Variants in ZNF548 observed in about 807,000 individuals in gnomAD.
ZNF548 encodes the protein zinc finger protein 548.
In ZNF548, 10 loss-of-function variants were observed where a neutral mutation model predicts 10.2. That is an observed-to-expected ratio of 0.98 (90% CI 0.60 to 1.66). The LOEUF (loss-of-function observed/expected upper bound fraction) is 1.66, where lower values mean the gene tolerates loss of function less well. Among genes scored for constraint, ZNF548 ranks in the 40% most tolerant of loss-of-function variants. The pLI is 0.00. For synonymous variants in ZNF548, 217 were observed against 223.5 expected, an observed-to-expected ratio of 0.97 and a Z score of 0.26; for missense variants, 599 against 657.0, an observed-to-expected ratio of 0.91 and a Z score of 0.97.
In ZNF548 at chr19:57,400,041, A is replaced by G; in HGVS notation, c.*152A>G. On this transcript the variant is annotated 3_prime_UTR_variant, in exon 4 of 4. Coordinates refer to ENST00000336128, the MANE Select transcript of ZNF548 (RefSeq NM_001172773.2). The stretch of plus-strand genomic sequence containing the variant: ...ACTTCCCCAGAAATGTCTCAACTAT[A>G]TTTCTATACTCTATGGTACTTATAT... 1 of 626,550 alleles carries G rather than the reference A, an allele frequency of 1.6e-6. No homozygotes were observed. Among genetic ancestry groups the G allele is most frequent in the Non-Finnish European group, 2.7e-6 (1 of 364,778 alleles). 38.8% of individuals were successfully genotyped at this position (626,550 alleles called of 1,614,324 possible).
rs919184976 is a variant in ZNF548 at position 57,399,579 on chromosome 19, G to A, written c.1328G>A (p.Arg443His). The A allele has an allele frequency of 9.9e-6, 16 of 1,613,740 alleles. No homozygotes were observed. The highest frequency in any genetic ancestry group is 1.6e-4 in the Middle Eastern group (1 of 6,084). Residue 443 changes from arginine to histidine, a missense_variant, in exon 4 of 4, where the codon CGT becomes CAT. Coordinates refer to ENST00000336128, the MANE Select transcript of ZNF548 (RefSeq NM_001172773.2). The surrounding 1 kb of genome is among the most constrained non-coding windows in gnomAD (Gnocchi z 4.0). ...TGCAGCGAATGCGGGAAATTCTTTCGTTACAACTCCAACCTCATTAAACAT... is the reference window on the plus strand; with the variant it reads ...TGCAGCGAATGCGGGAAATTCTTTCATTACAACTCCAACCTCATTAAACAT... ...YECSECGKFF[R>H]YNSNLIKHWR...
At chr19:57,397,797 G>C (rs530542054) in intron 3 of ZNF548, among the ~76,000 whole-genome samples, 11 of 152,286 alleles carry the variant, frequency 7.2e-5, no homozygotes, top group Admixed American at 7.2e-4. Flanking sequence ...TTGGGAAAAG[G>C]GTTGATGTCA....
In ZNF548 at chr19:57,399,211, G is replaced by A. The variant is rs756155520; in HGVS notation, c.960G>A (p.Pro320=). 1.6e-5 allele frequency: 26 copies of A among 1,611,820 alleles called. No individual in the cohort carries two copies. The Admixed American group carries it at 2.8e-4, about 18-fold the overall frequency. Residue 320 remains proline (P), a synonymous_variant, in exon 4 of 4, where the codon CCG becomes CCA. Coordinates refer to ENST00000336128, the MANE Select transcript of ZNF548 (RefSeq NM_001172773.2). This position sits in a 1 kb window ranked among gnomAD's most constrained non-coding sequence, Gnocchi z 4.0. ...RHQRVHTGER[P]YECRECGKFF... ...AGAGAGTTCACACCGGAGAAAGGCC[G>A]TATGAGTGCAGGGAATGTGGGAAAT...
Position 57,401,925 on chromosome 19 carries a change from G to C in ZNF548, c.*2036G>C, listed in dbSNP as rs1186430066. 6.6e-6 allele frequency: 1 copy of C among 152,142 alleles called. No homozygotes were observed. The highest frequency in any genetic ancestry group is 2.4e-5 in the African/African-American group (1 of 41,412). The allele number at this position is 152,142 out of a possible 1,614,324, so 9.4% of individuals were successfully genotyped here. A position where few individuals can be genotyped will look rare whatever the true frequency, so the allele number is the denominator to read the frequency against. ...GGCTAATTTTTGTATTTTTAGTAGAGATGGGGTTTTGCCATGTTGGCCAGG... is the reference window on the plus strand; with the variant it reads ...GGCTAATTTTTGTATTTTTAGTAGACATGGGGTTTTGCCATGTTGGCCAGG... On this transcript the variant is annotated 3_prime_UTR_variant, in exon 4 of 4. Coordinates refer to ENST00000336128, the MANE Select transcript of ZNF548 (RefSeq NM_001172773.2).
At chr19:57,394,815 C>T (rs2123040675) in intron 2 of ZNF548, among the ~76,000 whole-genome samples, 1 of 152,088 alleles carries the variant, frequency 6.6e-6, no homozygotes, top group East Asian at 1.9e-4. Context: ...CTAGAGCTGC[C>T]CACATTTTAT....
At position 57,400,874 on chromosome 19, in the gene ZNF548, T is replaced by G. The variant is rs1157157291; in HGVS notation, c.*985T>G. On this transcript the variant is annotated 3_prime_UTR_variant, in exon 4 of 4. Coordinates refer to ENST00000336128, the MANE Select transcript of ZNF548 (RefSeq NM_001172773.2). ...CATTTTCTATTTCTGTTTTTGGGGT[T>G]TTTTGTAGTGCCTTTTGTTTTGGAT... The G allele has an allele frequency of 6.6e-6, 1 of 152,186 alleles. No homozygotes were observed. Among genetic ancestry groups the G allele is most frequent in the Non-Finnish European group, 1.5e-5 (1 of 68,040 alleles). The allele number at this position is 152,186 out of a possible 1,614,324, so 9.4% of individuals were successfully genotyped here. A position where few individuals can be genotyped will look rare whatever the true frequency, so the allele number is the denominator to read the frequency against.
rs1029873799 is a variant in ZNF548, at chr19:57,396,959, G to A, written c.52-89G>A. The A allele has an allele frequency of 3.8e-5, 58 of 1,508,188 alleles. No individual in the cohort carries two copies. In the African/African-American group the frequency reaches 6.2e-4, roughly 16 times the overall value. 93.4% of individuals were successfully genotyped at this position (1,508,188 alleles called of 1,614,324 possible). A position where few individuals can be genotyped will look rare whatever the true frequency, so the allele number is the denominator to read the frequency against. On this transcript the variant is annotated intron_variant, in intron 2 of 3. Coordinates refer to ENST00000336128, the MANE Select transcript of ZNF548 (RefSeq NM_001172773.2). ...TGTTAGTTTGGCCCTGTGTTTAATGGGTGGTAAATATAAGTAGAAAATAGA... is the reference window on the plus strand; with the variant it reads ...TGTTAGTTTGGCCCTGTGTTTAATGAGTGGTAAATATAAGTAGAAAATAGA...
chr19:57,399,514 T>C lies in ZNF548; in HGVS notation c.1263T>C (p.Ile421=). The C allele has an allele frequency of 3.1e-6, 5 of 1,613,792 alleles. No individual in the cohort carries two copies. The highest frequency in any genetic ancestry group is 4.2e-6 in the Non-Finnish European group (5 of 1,179,878). ...GKSFRYHCRL[I]RHQRVHTGER... is the part of the protein sequence containing the mutation. ...CATTTAGGTACCACTGCAGGCTCAT[T>C]AGACACCAGAGAGTCCACACGGGAG... Residue 421 remains isoleucine (I), a synonymous_variant, in exon 4 of 4, where the codon ATT becomes ATC. Transcript: ENST00000336128. This position sits in a 1 kb window ranked among gnomAD's most constrained non-coding sequence, Gnocchi z 4.0.
chr19:57,399,409 T>G lies in ZNF548; in HGVS notation c.1158T>G (p.Phe386Leu), dbSNP rs780997854. Residue 386 changes from phenylalanine to leucine, a missense_variant, in exon 4 of 4, where the codon TTT becomes TTG. Physicochemically the swap from Phe to Leu is conservative, Grantham distance 22 (BLOSUM62 0). Transcript: ENST00000336128. This position sits in a 1 kb window ranked among gnomAD's most constrained non-coding sequence, Gnocchi z 4.0. The stretch of plus-strand genomic sequence containing the variant: ...AGTGCAGTGTATGTGGGGAATTGTT[T>G]AGGTACAACTCCAGCCTTGTTAAAC... ...PYECSVCGEL[F>L]RYNSSLVKHW... 5.6e-6 allele frequency: 9 copies of G among 1,614,188 alleles called. No homozygotes were observed. The highest frequency in any genetic ancestry group is 3.3e-5 in the Admixed American group (2 of 60,018).
Position 57,400,945 on chromosome 19 carries a change from A to G in ZNF548, c.*1056A>G, listed in dbSNP as rs2088711587. 2 of 151,996 alleles carry G rather than the reference A, an allele frequency of 1.3e-5. No individual in the cohort carries two copies. 9.4% of individuals were successfully genotyped at this position (151,996 alleles called of 1,614,324 possible). On this transcript the variant is annotated 3_prime_UTR_variant, in exon 4 of 4. Coordinates refer to ENST00000336128, the MANE Select transcript of ZNF548 (RefSeq NM_001172773.2). The stretch of plus-strand genomic sequence containing the variant: ...TGAGGTGGAATCTATAGTGTCTTTC[A>G]TTTTTATTTTGTGAATGATTGATGA...
intron 1 of ZNF548, among the ~76,000 whole-genome samples, chr19:57,393,595 G>A (rs937356230): frequency 4.0e-5 from 6 of 150,838 alleles, no homozygotes; most frequent in African/African-American, 9.8e-5. Context: ...AGGAGGCGGA[G>A]GTTGCAGTGA....
Position 57,393,072 on chromosome 19 carries a change from G to A in ZNF548, c.16-1116G>A, listed in dbSNP as rs368655681. 69 of 750,726 alleles carry A rather than the reference G, an allele frequency of 9.2e-5. 1 individual carries two copies. Among genetic ancestry groups the A allele is most frequent in the Non-Finnish European group, 1.1e-4 (65 of 615,834 alleles). The allele number at this position is 750,726 out of a possible 1,614,324, so 46.5% of individuals were successfully genotyped here. The stretch of plus-strand genomic sequence containing the variant: ...GAGAAATGTTATTGAGGCTGGTGGA[G>A]TAGCTGGGTTCCAGATCAGAGCACT... On this transcript the variant is annotated intron_variant, in intron 1 of 3. Transcript: ENST00000336128.
rs752823592 is a variant in ZNF548 at position 57,397,068 on chromosome 19, C to T, written c.72C>T (p.Asp24=). 5.6e-6 allele frequency: 9 copies of T among 1,612,708 alleles called. No individual in the cohort carries two copies. Among genetic ancestry groups the T allele is most frequent in the Admixed American group, 3.3e-5 (2 of 59,716 alleles). Residue 24 remains aspartate, a synonymous_variant, in exon 3 of 4, where the codon GAC becomes GAT. Transcript: ENST00000336128. ...GGCAGGGCCGTGTGGTCTTTGAGGA[C>T]GTGGCCATATATTTCTCCCAGGAGG... ...DPTQGRVVFE[D]VAIYFSQEEW...
In ZNF548 at chr19:57,398,459, G is replaced by T. The variant is rs17856896; in HGVS notation, c.208G>T (p.Ala70Ser). 207,122 of 1,613,870 alleles carry T rather than the reference G, an allele frequency of 0.13. 14,156 individuals carry two copies. Among genetic ancestry groups the T allele is most frequent in the South Asian group, 0.17 (15,163 of 91,074 alleles). The change falls in exon 4 of 4, where the codon GCA becomes TCA. Residue 70 changes from alanine to serine, a missense_variant. By Grantham distance (99) the Ala-to-Ser change is moderately conservative. Coordinates refer to ENST00000336128, the MANE Select transcript of ZNF548 (RefSeq NM_001172773.2). ...TTGGCATGGAGCTGAGGATGAGGAG[G>T]CACCTTCACAGCAAGGTTTTTCTGT... The part of the protein sequence containing the change: ...GSWHGAEDEE[A>S]PSQQGFSVGV...
In ZNF548 at chr19:57,399,774, AG is replaced by A. The variant is rs1568533597; in HGVS notation, c.1524del (p.Ile510SerfsTer11). On this transcript the variant is annotated frameshift_variant, in exon 4 of 4. Coordinates refer to ENST00000336128, the MANE Select transcript of ZNF548 (RefSeq NM_001172773.2). LOFTEE classifies it low-confidence loss of function (END_TRUNC). The surrounding 1 kb of genome is among the most constrained non-coding windows in gnomAD (Gnocchi z 4.0). ...FIRKSHLVHH[Q>X]KIHSEERLVC... ...AGAAAGTCTCACCTGGTTCATCACC[AG>A]AAAATCCACAGTGAAGAGAGGCTTG... 6.2e-7 allele frequency: 1 copy of A among 1,614,146 alleles called. No homozygotes were observed. Among genetic ancestry groups the A allele is most frequent in the South Asian group, 1.1e-5 (1 of 91,084 alleles).
rs751714276 is a variant in ZNF548 at position 57,399,648 on chromosome 19, G to A, written c.1397G>A (p.Cys466Tyr). The A allele has an allele frequency of 6.2e-7, 1 of 1,614,118 alleles. No homozygotes were observed. The highest frequency in any genetic ancestry group is 1.7e-5 in the Admixed American group (1 of 60,010). The change falls in exon 4 of 4, where the codon TGT (cysteine) becomes TAT (tyrosine). Residue 466 changes from cysteine to tyrosine, a missense_variant. Cys to Tyr is a radical substitution (Grantham distance 194). Transcript: ENST00000336128. This position sits in a 1 kb window ranked among gnomAD's most constrained non-coding sequence, Gnocchi z 4.0. ...TGERPYECRE[C>Y]GKAFSHKHIL... ...GAAAGGCCTTACGAGTGCAGAGAGT[G>A]TGGGAAAGCCTTTAGCCACAAGCAT... is the stretch of plus-strand genomic sequence containing the variant.
intron 1 of ZNF548, chr19:57,392,788 G>A: frequency 1.0e-6 from 1 of 985,456 alleles, no homozygotes; most frequent in Non-Finnish European, 1.2e-6. Flanking sequence ...AAATCTTGAG[G>A]TTGTCATTTC....
chr19:57,398,351 G>C, intron 3 of ZNF548, 79 bp from the exon 4 acceptor site: 1 of 1,567,686 alleles, frequency 6.4e-7, no homozygotes, highest in South Asian at 1.2e-5. Flanking sequence ...TTGTGTGTGT[G>C]CCTGACACAC....
At chr19:57,397,231 C>T in intron 3 of ZNF548, 57 bp downstream of exon 3, 1 of 1,494,514 alleles carries the variant, frequency 6.7e-7, no homozygotes, top group Non-Finnish European at 8.9e-7. Flanking sequence ...CCCTTTTTAC[C>T]CAAAGGCAGC....
Sources: allele counts gnomAD v4.1 joint callset (sites outside exome capture counted in the v4.1 genomes callset), GRCh38; gene constraint gnomAD v4.1.1; non-coding constraint Gnocchi (gnomAD v3.1); transcripts MANE v1.5; gene names NCBI Gene and HGNC (gene_info 2026-07-23, HGNC 2026-07-21).